KCNQ1OT1: variants seen among roughly 807,000 people sequenced by gnomAD.
KCNQ1OT1 encodes KCNQ1 opposite strand/antisense transcript 1, also known as KCNQ1 antisense RNA 2 (non-protein coding).
chr11:2,620,996 G>C lies in KCNQ1OT1; in HGVS notation n.78999C>G. 1 of 374,948 alleles carries C rather than the reference G, an allele frequency of 2.7e-6. No homozygotes were observed. Among genetic ancestry groups the C allele is most frequent in the Admixed American group, 5.1e-5 (1 of 19,570 alleles). 23.2% of individuals were successfully genotyped at this position (374,948 alleles called of 1,614,324 possible). A position where few individuals can be genotyped will look rare whatever the true frequency, so the allele number is the denominator to read the frequency against. On this transcript the variant is annotated non_coding_transcript_exon_variant, in exon 1 of 1. Coordinates refer to ENST00000597346, the Ensembl canonical transcript of KCNQ1OT1. The surrounding 1 kb of genome is among the most constrained non-coding windows in gnomAD (Gnocchi z 4.5). Reference sequence around the variant, plus strand: ...TTTTTTGTTTGTTTGTTTGTTTTTTGAGAAAGAGTCTTGCTCTGTCTCCCA... The same window carrying C: ...TTTTTTGTTTGTTTGTTTGTTTTTTCAGAAAGAGTCTTGCTCTGTCTCCCA...
chr11:2,618,348 C>A, exon 1 of KCNQ1OT1: 1 of 398,532 alleles, frequency 2.5e-6, no homozygotes, highest in Non-Finnish European at 4.4e-6. Flanking sequence ...ACAAAGTTTA[C>A]AAATTTGTGT....
chr11:2,665,477 G>A, exon 1 of KCNQ1OT1: 1 of 396,308 alleles, frequency 2.5e-6, no homozygotes, highest in Non-Finnish European at 4.4e-6. Context: ...TGGGGACGGT[G>A]CCATGCCTGT....
rs1320279839 is a variant in KCNQ1OT1 at position 2,695,370 on chromosome 11, C to T, written n.4625G>A. The T allele has an allele frequency of 1.3e-5, 5 of 398,482 alleles. No individual in the cohort carries two copies. The highest frequency in any genetic ancestry group is 1.3e-3 in the Middle Eastern group (2 of 1,588). 24.7% of individuals were successfully genotyped at this position (398,482 alleles called of 1,614,324 possible). A position where few individuals can be genotyped will look rare whatever the true frequency, so the allele number is the denominator to read the frequency against. ...CACTCACGAGCACTCCCTAGTACTG[C>T]GTGTCTGGGTGGTGTGTAATTTTAA... On this transcript the variant is annotated non_coding_transcript_exon_variant, in exon 1 of 1. Transcript: ENST00000597346. This position sits in a 1 kb window ranked among gnomAD's most constrained non-coding sequence, Gnocchi z 5.2.
chr11:2,663,554 CCTT>C lies in KCNQ1OT1; in HGVS notation n.36438_36440del. ...CAGAGAGGGGACTGTCCCTTCTCATCCTTCTGGCTGCTTGCTTCTCCTGTTGGA... is the reference window on the plus strand; with the variant it reads ...CAGAGAGGGGACTGTCCCTTCTCATCCTGGCTGCTTGCTTCTCCTGTTGGA... On this transcript the variant is annotated non_coding_transcript_exon_variant, in exon 1 of 1. Transcript: ENST00000597346. This position sits in a 1 kb window ranked among gnomAD's most constrained non-coding sequence, Gnocchi z 5.2. The C allele has an allele frequency of 2.5e-6, 1 of 398,660 alleles. No individual in the cohort carries two copies. The highest frequency in any genetic ancestry group is 4.4e-6 in the Non-Finnish European group (1 of 226,102). The allele number at this position is 398,660 out of a possible 1,614,324, so 24.7% of individuals were successfully genotyped here.
chr11:2,615,985 G>A, exon 1 of KCNQ1OT1: 1 of 398,096 alleles, frequency 2.5e-6, no homozygotes, highest in Non-Finnish European at 4.4e-6. Flanking sequence ...CGCCATCTGT[G>A]TAGCATTTTC....
At chr11:2,630,190 C>T (rs1284375670) in exon 1 of KCNQ1OT1, 3 of 398,154 alleles carry the variant, frequency 7.5e-6, no homozygotes, top group Non-Finnish European at 1.3e-5. Flanking sequence ...TGATTTTTAT[C>T]TTTGATTTTA....
At chr11:2,685,785 T>C (rs962497285) in exon 1 of KCNQ1OT1, 2 of 398,722 alleles carry the variant, frequency 5.0e-6, no homozygotes, top group Middle Eastern at 6.3e-4. Flanking sequence ...GAAAGGGCCC[T>C]GCACAGTCAG....
chr11:2,687,893 T>G lies in KCNQ1OT1; in HGVS notation n.12102A>C. On this transcript the variant is annotated non_coding_transcript_exon_variant, in exon 1 of 1. Coordinates refer to ENST00000597346, the Ensembl canonical transcript of KCNQ1OT1. This position sits in a 1 kb window ranked among gnomAD's most constrained non-coding sequence, Gnocchi z 5.0. ...GACTTGGGGTGTCCCGCGGAAATCC[T>G]GGTGGGATGGAAAATCCCCAGCAGT... is the stretch of plus-strand genomic sequence containing the variant. 1 of 398,694 alleles carries G rather than the reference T, an allele frequency of 2.5e-6. No homozygotes were observed. The highest frequency in any genetic ancestry group is 2.1e-5 in the African/African-American group (1 of 48,760). The allele number at this position is 398,694 out of a possible 1,614,324, so 24.7% of individuals were successfully genotyped here. A position where few individuals can be genotyped will look rare whatever the true frequency, so the allele number is the denominator to read the frequency against.
chr11:2,640,642 C>A, exon 1 of KCNQ1OT1: 3 of 397,498 alleles, frequency 7.5e-6, no homozygotes, highest in South Asian at 2.6e-4. Flanking sequence ...GTGTAATGAT[C>A]AAGTCAGGGT....
exon 1 of KCNQ1OT1, chr11:2,639,041 T>C (rs180757209): frequency 1.3e-5 from 2 of 152,362 alleles, no homozygotes; most frequent in East Asian, 3.9e-4. Flanking sequence ...CACGTAGTTC[T>C]TGTGCCATGG....
At chr11:2,643,583 G>A (rs1182213829) in exon 1 of KCNQ1OT1, 5 of 398,316 alleles carry the variant, frequency 1.3e-5, no homozygotes, top group Non-Finnish European at 2.2e-5. Context: ...ATTTAGATGG[G>A]TCATGTTTTT....
chr11:2,667,009 A>G (rs1045641114), exon 1 of KCNQ1OT1: 1 of 398,688 alleles, frequency 2.5e-6, no homozygotes, highest in Non-Finnish European at 4.4e-6. Flanking sequence ...CATGAGTCAT[A>G]GGATCCCCGT....
chr11:2,663,105 G>GCTAT lies in KCNQ1OT1; in HGVS notation n.36886_36889dup. 1 of 398,668 alleles carries GCTAT rather than the reference G, an allele frequency of 2.5e-6. No homozygotes were observed. The allele number at this position is 398,668 out of a possible 1,614,324, so 24.7% of individuals were successfully genotyped here. A position where few individuals can be genotyped will look rare whatever the true frequency, so the allele number is the denominator to read the frequency against. On this transcript the variant is annotated non_coding_transcript_exon_variant, in exon 1 of 1. Coordinates refer to ENST00000597346, the Ensembl canonical transcript of KCNQ1OT1. The surrounding 1 kb of genome is among the most constrained non-coding windows in gnomAD (Gnocchi z 5.2). ...TGAGGCCACCTCCAGGGAAGGAGTGGCTATCTTAAGGGGTAATTATGATCA... is the reference window on the plus strand; with the variant it reads ...TGAGGCCACCTCCAGGGAAGGAGTGGCTATCTATCTTAAGGGGTAATTATGATCA...
In KCNQ1OT1 at chr11:2,671,859, G is replaced by T; in HGVS notation, n.28136C>A. 1 of 398,714 alleles carries T rather than the reference G, an allele frequency of 2.5e-6. No homozygotes were observed. Among genetic ancestry groups the T allele is most frequent in the Non-Finnish European group, 4.4e-6 (1 of 226,124 alleles). 24.7% of individuals were successfully genotyped at this position (398,714 alleles called of 1,614,324 possible). On this transcript the variant is annotated non_coding_transcript_exon_variant, in exon 1 of 1. Coordinates refer to ENST00000597346, the Ensembl canonical transcript of KCNQ1OT1. The surrounding 1 kb of genome is among the most constrained non-coding windows in gnomAD (Gnocchi z 4.7). ...AGGTCTGAGCCTTCTGCCCCAGGGA[G>T]CCAAGCCCTGGAGAGGAGGTGGGCA...
In KCNQ1OT1 at chr11:2,683,506, T is replaced by C. The variant is rs1006885913; in HGVS notation, n.16489A>G. The C allele has an allele frequency of 7.5e-6, 3 of 398,506 alleles. No individual in the cohort carries two copies. The highest frequency in any genetic ancestry group is 6.2e-5 in the African/African-American group (3 of 48,624). The allele number at this position is 398,506 out of a possible 1,614,324, so 24.7% of individuals were successfully genotyped here. On this transcript the variant is annotated non_coding_transcript_exon_variant, in exon 1 of 1. Coordinates refer to ENST00000597346, the Ensembl canonical transcript of KCNQ1OT1. This position sits in a 1 kb window ranked among gnomAD's most constrained non-coding sequence, Gnocchi z 4.7. ...TATTAAAACATAACTTGTTAAAGCATAGAGCTTAGTTCAGAGTAAACATTT... is the reference window on the plus strand; with the variant it reads ...TATTAAAACATAACTTGTTAAAGCACAGAGCTTAGTTCAGAGTAAACATTT...
At position 2,676,675 on chromosome 11, in the gene KCNQ1OT1, G is replaced by A. The variant is rs1850300590; in HGVS notation, n.23320C>T. 5.0e-6 allele frequency: 2 copies of A among 398,662 alleles called. No individual in the cohort carries two copies. The highest frequency in any genetic ancestry group is 8.8e-6 in the Non-Finnish European group (2 of 226,074). The allele number at this position is 398,662 out of a possible 1,614,324, so 24.7% of individuals were successfully genotyped here. A position where few individuals can be genotyped will look rare whatever the true frequency, so the allele number is the denominator to read the frequency against. ...TCATTAAGGTCTTGAGTATTTCCAAGGGAGCACTAACTGGACTACAGCCTG... is the reference window on the plus strand; with the variant it reads ...TCATTAAGGTCTTGAGTATTTCCAAAGGAGCACTAACTGGACTACAGCCTG... On this transcript the variant is annotated non_coding_transcript_exon_variant, in exon 1 of 1. Coordinates refer to ENST00000597346, the Ensembl canonical transcript of KCNQ1OT1. This position sits in a 1 kb window ranked among gnomAD's most constrained non-coding sequence, Gnocchi z 4.2.
chr11:2,617,632 C>T lies in KCNQ1OT1; in HGVS notation n.82363G>A. The T allele has an allele frequency of 2.5e-6, 1 of 398,418 alleles. No homozygotes were observed. The allele number at this position is 398,418 out of a possible 1,614,324, so 24.7% of individuals were successfully genotyped here. A position where few individuals can be genotyped will look rare whatever the true frequency, so the allele number is the denominator to read the frequency against. ...GTATATTTTCAATTTCTTTAGGAGC[C>T]ACCATTCTGTTTTTCATTATGACTG... On this transcript the variant is annotated non_coding_transcript_exon_variant, in exon 1 of 1. Coordinates refer to ENST00000597346, the Ensembl canonical transcript of KCNQ1OT1. This position sits in a 1 kb window ranked among gnomAD's most constrained non-coding sequence, Gnocchi z 4.6.
rs1849154762 is a variant in KCNQ1OT1 at position 2,620,665 on chromosome 11, C to G, written n.79330G>C. The G allele has an allele frequency of 5.0e-6, 2 of 398,338 alleles. No individual in the cohort carries two copies. The highest frequency in any genetic ancestry group is 8.8e-6 in the Non-Finnish European group (2 of 226,044). The allele number at this position is 398,338 out of a possible 1,614,324, so 24.7% of individuals were successfully genotyped here. A position where few individuals can be genotyped will look rare whatever the true frequency, so the allele number is the denominator to read the frequency against. The stretch of plus-strand genomic sequence containing the variant: ...GTGATGAACATACAAATGCATGTGT[C>G]TTTTTGATAGAACAATTTATTTTCC... On this transcript the variant is annotated non_coding_transcript_exon_variant, in exon 1 of 1. Transcript: ENST00000597346. This position sits in a 1 kb window ranked among gnomAD's most constrained non-coding sequence, Gnocchi z 4.5.
rs533109120 is a variant in KCNQ1OT1 at position 2,661,532 on chromosome 11, T to C, written n.38463A>G. ...AGAGGTCCTATCACCCCATCTTTCC[T>C]GACCCACTACTCTGTCAATGTATGA... On this transcript the variant is annotated non_coding_transcript_exon_variant, in exon 1 of 1. Transcript: ENST00000597346. The surrounding 1 kb of genome is among the most constrained non-coding windows in gnomAD (Gnocchi z 5.9). 2 of 489,740 alleles carry C rather than the reference T, an allele frequency of 4.1e-6. No individual in the cohort carries two copies. Among genetic ancestry groups the C allele is most frequent in the South Asian group, 9.1e-5 (2 of 21,858 alleles). The allele number at this position is 489,740 out of a possible 1,614,324, so 30.3% of individuals were successfully genotyped here. A position where few individuals can be genotyped will look rare whatever the true frequency, so the allele number is the denominator to read the frequency against.
Sources: allele counts gnomAD v4.1 joint callset, GRCh38; gene constraint gnomAD v4.1.1; non-coding constraint Gnocchi (gnomAD v3.1); transcripts MANE v1.5; gene names NCBI Gene and HGNC (gene_info 2026-07-23, HGNC 2026-07-21).